TLE7: variants seen among roughly 807,000 people sequenced by gnomAD.
TLE7 encodes the protein transducin-like enhancer protein 7.
At chr16:71,438,285 G>T (rs1473074068) in intron 1 of TLE7, among the ~76,000 whole-genome samples, 1 of 151,934 alleles carries the variant, frequency 6.6e-6, no homozygotes, top group East Asian at 1.9e-4. Flanking sequence ...TACAAAATTA[G>T]CCAGGCATGG....
At position 71,435,419 on chromosome 16, in the gene TLE7, TAAATAAAATA is replaced by T. The variant is rs369669585; in HGVS notation, c.-96-2009_-96-2000del. 1.3e-3 allele frequency among the ~76,000 whole-genome samples: 190 copies of T among 151,838 alleles called. 1 individual carries two copies. Among genetic ancestry groups the T allele is most frequent in the African/African-American group, 2.9e-3 (121 of 41,346 alleles). On this transcript the variant is annotated intron_variant, in intron 1 of 9. Coordinates refer to ENST00000561754, the MANE Select transcript of TLE7 (RefSeq NM_001367365.2). ...GAGTGAAACTCTGTCTCAAAATAAA[TAAATAAAATA>T]AAATAAAATAAAATAACAAGGATGC...
intron 9 of TLE7, 83 bp downstream of exon 9, chr16:71,430,585 A>G (rs547146565): frequency 2.5e-6 from 1 of 397,842 alleles, no homozygotes; most frequent in South Asian, 1.4e-4. Flanking sequence ...GTGTTTTCCA[A>G]CACCCACTGG....
chr16:71,432,048 C>T, intron 5 of TLE7, 46 bp from the exon 6 acceptor site: 1 of 400,876 alleles, frequency 2.5e-6, no homozygotes, highest in East Asian at 3.6e-5. Flanking sequence ...GGGCACCGAA[C>T]CTGGGTCTCA....
chr16:71,438,240 C>T (rs990362361), intron 1 of TLE7, among the ~76,000 whole-genome samples: 6 of 151,980 alleles, frequency 3.9e-5, no homozygotes, highest in Non-Finnish European at 5.9e-5. Flanking sequence ...CGAGACCAGC[C>T]TGGCCAACGT....
At chr16:71,440,818 T>A (rs1202816285) in intron 1 of TLE7, among the ~76,000 whole-genome samples, 3 of 152,198 alleles carry the variant, frequency 2.0e-5, no homozygotes, top group Non-Finnish European at 1.5e-5. Context: ...AGATCTTTAT[T>A]TGAGGGCTGA....
At chr16:71,432,060 G>A (rs9927547) in intron 5 of TLE7, 50 bp downstream of exon 5, 5,522 of 400,892 alleles carry the variant, frequency 0.014, 256 homozygotes, top group African/African-American at 0.1. Context: ...TGGGTCTCAC[G>A]TCAGAGGCCC....
chr16:71,436,662 T>A (rs1195807534), intron 1 of TLE7, among the ~76,000 whole-genome samples: 1 of 152,176 alleles, frequency 6.6e-6, no homozygotes, highest in Admixed American at 6.5e-5. Flanking sequence ...TCCAGGTGAA[T>A]CTCCTTTGCT....
intron 1 of TLE7, among the ~76,000 whole-genome samples, chr16:71,435,776 T>C (rs1340273062): frequency 1.3e-5 from 2 of 152,234 alleles, no homozygotes; most frequent in Non-Finnish European, 2.9e-5. Flanking sequence ...GATTCTTAGT[T>C]GTTTAAATAA....
intron 1 of TLE7, among the ~76,000 whole-genome samples, chr16:71,437,178 G>A (rs767410024): frequency 2.0e-5 from 3 of 152,006 alleles, no homozygotes; most frequent in Admixed American, 6.6e-5. Flanking sequence ...GTGAAACCCT[G>A]TCTCTACTAG....
intron 1 of TLE7, among the ~76,000 whole-genome samples, chr16:71,438,844 G>T (rs2042836957): frequency 6.6e-6 from 1 of 152,208 alleles, no homozygotes; most frequent in African/African-American, 2.4e-5. Flanking sequence ...GCCGTGGATA[G>T]AGGGACCCAG....
rs116452618 is a variant in TLE7, at chr16:71,435,462, G to C, written c.-96-2042C>G. On this transcript the variant is annotated intron_variant, in intron 1 of 9. Coordinates refer to ENST00000561754, the MANE Select transcript of TLE7 (RefSeq NM_001367365.2). ...ATAAAATAACAAGGATGCATACATTGATATGGAATATTCCAAGGTGTATTA... is the reference window on the plus strand; with the variant it reads ...ATAAAATAACAAGGATGCATACATTCATATGGAATATTCCAAGGTGTATTA... 2.2e-3 allele frequency among the ~76,000 whole-genome samples: 337 copies of C among 152,274 alleles called. 1 individual carries two copies. The highest frequency in any genetic ancestry group is 8.0e-3 in the African/African-American group (332 of 41,554).
In TLE7 at chr16:71,431,331, T is replaced by C; in HGVS notation, c.994-57A>G. The C allele has an allele frequency of 2.5e-6, 1 of 399,294 alleles. No homozygotes were observed. The highest frequency in any genetic ancestry group is 4.4e-6 in the Non-Finnish European group (1 of 226,256). The allele number at this position is 399,294 out of a possible 1,614,324, so 24.7% of individuals were successfully genotyped here. On this transcript the variant is annotated intron_variant, in intron 7 of 9. Transcript: ENST00000561754. This position sits in a 1 kb window ranked among gnomAD's most constrained non-coding sequence, Gnocchi z 4.5. ...TCAAAGTTGCCAACGCCATCCTTTG[T>C]GCCCACCTCTCAAGCTCACACTCCC...
chr16:71,432,805 G>A (rs1303120062), intron 3 of TLE7, 65 bp downstream of exon 3: 7 of 398,926 alleles, frequency 1.8e-5, no homozygotes, highest in East Asian at 1.1e-4. Context: ...CCAGGCCCCC[G>A]TTCCTAGTCC....
At chr16:71,437,692 C>CTT (rs1223634826) in intron 1 of TLE7, among the ~76,000 whole-genome samples, 2 of 152,316 alleles carry the variant, frequency 1.3e-5, no homozygotes, top group South Asian at 2.1e-4. Context: ...TCACTCCTTG[C>CTT]TTTTGCCTCC....
Position 71,432,664 on chromosome 16 carries a change from C to G in TLE7, c.393+1G>C. ...TCCTGAGTATGAAGTTGGACACTTA[C>G]AATTGCTCTGAGCAATGAGAGGACT... is the stretch of plus-strand genomic sequence containing the variant. On this transcript the variant is annotated splice_donor_variant, in intron 4 of 9. Transcript: ENST00000561754. LOFTEE classifies it high-confidence loss of function. The G allele has an allele frequency of 2.5e-6, 1 of 398,708 alleles. No homozygotes were observed. Among genetic ancestry groups the G allele is most frequent in the East Asian group, 3.6e-5 (1 of 28,072 alleles). 24.7% of individuals were successfully genotyped at this position (398,708 alleles called of 1,614,324 possible).
At chr16:71,435,267 C>T (rs938258753) in intron 1 of TLE7, among the ~76,000 whole-genome samples, 1 of 152,142 alleles carries the variant, frequency 6.6e-6, no homozygotes, top group African/African-American at 2.4e-5. Flanking sequence ...AAAAATTAGC[C>T]AGGTGTGGTG....
At chr16:71,438,875 T>C (rs2042837093) in intron 1 of TLE7, among the ~76,000 whole-genome samples, 2 of 152,124 alleles carry the variant, frequency 1.3e-5, no homozygotes, top group African/African-American at 4.8e-5. Context: ...GGATGTGCCA[T>C]AGTTGAAATT....
rs2042798196 is a variant in TLE7 at position 71,430,683 on chromosome 16, C to G, written c.1206G>C (p.Leu402=). 1 of 398,452 alleles carries G rather than the reference C, an allele frequency of 2.5e-6. No individual in the cohort carries two copies. Among genetic ancestry groups the G allele is most frequent in the Admixed American group, 4.4e-5 (1 of 22,718 alleles). The allele number at this position is 398,452 out of a possible 1,614,324, so 24.7% of individuals were successfully genotyped here. A position where few individuals can be genotyped will look rare whatever the true frequency, so the allele number is the denominator to read the frequency against. The change falls in exon 9 of 10, where the codon CTG becomes CTC. Residue 402 remains leucine (L), a synonymous_variant. Transcript: ENST00000561754. ...TGTCCAGTACCTGAAACAACTTTTG[C>G]AGAGAAGGTGCCTCCAAGCCACTGA... ...TRLSGLEAPS[L]QKLFQIEESS... is the part of the protein sequence containing the mutation.
chr16:71,437,173 A>T (rs2042829320), intron 1 of TLE7, among the ~76,000 whole-genome samples: 1 of 152,078 alleles, frequency 6.6e-6, no homozygotes, highest in Admixed American at 6.5e-5. Flanking sequence ...ACATGGTGAA[A>T]CCCTGTCTCT....
Sources: allele counts gnomAD v4.1 joint callset (sites outside exome capture counted in the v4.1 genomes callset), GRCh38; gene constraint gnomAD v4.1.1; non-coding constraint Gnocchi (gnomAD v3.1); transcripts MANE v1.5; gene names NCBI Gene and HGNC (gene_info 2026-07-23, HGNC 2026-07-21).